PCDHGA2: variants seen among roughly 807,000 people sequenced by gnomAD.
The protein encoded by PCDHGA2 is protocadherin gamma subfamily A, 2, also known as protocadherin gamma-A2.
Under a neutral mutation model 59.2 loss-of-function variants are expected in PCDHGA2, and 40 were observed. That is an observed-to-expected ratio of 0.68 (90% CI 0.52 to 0.88). PCDHGA2 has a LOEUF of 0.88. Among genes scored for constraint, PCDHGA2 ranks in the 40% least tolerant of loss-of-function variants. The pLI, the probability that PCDHGA2 is intolerant of heterozygous loss-of-function variation, is 0.00. For synonymous variants in PCDHGA2, 560 were observed against 526.0 expected (o/e 1.06, Z -0.89); for missense variants, 1,226 against 1,204.0 (o/e 1.02, Z -0.27).
Position 141,486,785 on chromosome 5 carries a change from C to G in PCDHGA2, c.2425-8022C>G, listed in dbSNP as rs763174232. The G allele has an allele frequency of 2.8e-5, 45 of 1,614,102 alleles. No homozygotes were observed. The highest frequency in any genetic ancestry group is 3.6e-5 in the Non-Finnish European group (42 of 1,180,050). On this transcript the variant is annotated intron_variant, in intron 1 of 3. Coordinates refer to ENST00000394576, the MANE Select transcript of PCDHGA2 (RefSeq NM_018915.4). The surrounding 1 kb of genome is among the most constrained non-coding windows in gnomAD (Gnocchi z 5.0). ...GACACTGCAGTTTGAGGTGCAGGCC[C>G]GGGATCGGGGCAACCCACCCCTTAG... is the stretch of plus-strand genomic sequence containing the variant.
At chr5:141,425,521 C>A (rs2096880944) in intron 1 of PCDHGA2, among the ~76,000 whole-genome samples, 1 of 152,210 alleles carries the variant, frequency 6.6e-6, no homozygotes, top group Non-Finnish European at 1.5e-5. Flanking sequence ...TATGATGAAA[C>A]ATGAAACAAT....
At position 141,511,355 on chromosome 5, in the gene PCDHGA2, G is replaced by A; in HGVS notation, c.*182G>A. On this transcript the variant is annotated 3_prime_UTR_variant, in exon 4 of 4. Coordinates refer to ENST00000394576, the MANE Select transcript of PCDHGA2 (RefSeq NM_018915.4). ...TCAGCACCTACCCCTTCCCCCCCAG[G>A]GGGTTGAATATGCAAAAGCAGTTCC... 4 of 1,379,256 alleles carry A rather than the reference G, an allele frequency of 2.9e-6. No individual in the cohort carries two copies. The highest frequency in any genetic ancestry group is 3.9e-6 in the Non-Finnish European group (4 of 1,035,886). 85.4% of individuals were successfully genotyped at this position (1,379,256 alleles called of 1,614,324 possible).
In PCDHGA2 at chr5:141,345,674, G is replaced by T. The variant is rs2879225; in HGVS notation, c.2424+4279G>T. 4 of 1,614,140 alleles carry T rather than the reference G, an allele frequency of 2.5e-6. No homozygotes were observed. In the East Asian group the frequency reaches 6.7e-5, roughly 27 times the overall value. On this transcript the variant is annotated intron_variant, in intron 1 of 3. Coordinates refer to ENST00000394576, the MANE Select transcript of PCDHGA2 (RefSeq NM_018915.4). ...ACCCTCCACTCAGCAGCAACGTGTC[G>T]CTGAACCTGTTCGTGCTGGACCAGA...
intron 1 of PCDHGA2, chr5:141,478,470 G>A (rs753075137): frequency 1.2e-6 from 2 of 1,613,686 alleles, no homozygotes; most frequent in Non-Finnish European, 1.7e-6. Context: ...CTGGCCAGCC[G>A]CCAGAACACG....
intron 1 of PCDHGA2, chr5:141,364,245 A>G (rs1763237090): frequency 1.4e-6 from 2 of 1,460,650 alleles, no homozygotes; most frequent in Non-Finnish European, 9.1e-7. Flanking sequence ...CATTTTCGTC[A>G]GGGAATATGT....
rs377098882 is a variant in PCDHGA2, at chr5:141,340,259, C to A, written c.1288C>A (p.Pro430Thr). 29 of 1,614,068 alleles carry A rather than the reference C, an allele frequency of 1.8e-5. No individual in the cohort carries two copies. The highest frequency in any genetic ancestry group is 2.5e-5 in the Non-Finnish European group (29 of 1,180,040). Residue 430 changes from proline to threonine, a missense_variant, in exon 1 of 4, where the codon CCC becomes ACC. Transcript: ENST00000394576. The part of the protein sequence containing the change: ...ITLTAKDGGN[P>T]SLSTDAHILL... ...TCTAACCGCTAAAGATGGAGGGAAC[C>A]CCTCCCTGTCCACGGATGCTCACAT...
intron 1 of PCDHGA2, chr5:141,420,295 T>G (rs1282298065): frequency 6.8e-7 from 1 of 1,466,506 alleles, no homozygotes; most frequent in East Asian, 2.3e-5. Flanking sequence ...AAAAATGTAT[T>G]TAATCCTTTT....
intron 1 of PCDHGA2, among the ~76,000 whole-genome samples, chr5:141,482,899 T>C (rs1238389686): frequency 1.3e-5 from 2 of 152,076 alleles, no homozygotes; most frequent in Non-Finnish European, 2.9e-5. Context: ...TGGTGAAACC[T>C]CATCTCTATT....
At chr5:141,393,129 A>G in intron 1 of PCDHGA2, 2 of 1,613,426 alleles carry the variant, frequency 1.2e-6, no homozygotes, top group Non-Finnish European at 1.7e-6. Context: ...TCTGATAAAT[A>G]TTAACACCCT....
chr5:141,405,568 T>C, intron 1 of PCDHGA2: 1 of 606,666 alleles, frequency 1.6e-6, no homozygotes, highest in South Asian at 2.1e-5. Context: ...GGGACTAGAG[T>C]AGAGTAGCTG....
At chr5:141,397,699 C>A (rs1304915257) in intron 1 of PCDHGA2, among the ~76,000 whole-genome samples, 1 of 152,158 alleles carries the variant, frequency 6.6e-6, no homozygotes, top group Non-Finnish European at 1.5e-5. Flanking sequence ...AAAAACCCAA[C>A]GTGATATTTC....
chr5:141,357,609 C>T (rs1760674283), intron 1 of PCDHGA2: 1 of 1,613,778 alleles, frequency 6.2e-7, no homozygotes, highest in Non-Finnish European at 8.5e-7. Context: ...CAAAAGGAGA[C>T]CCTAATCTTC....
chr5:141,492,274 A>C (rs2099739010), intron 1 of PCDHGA2, among the ~76,000 whole-genome samples: 1 of 152,024 alleles, frequency 6.6e-6, no homozygotes, highest in Non-Finnish European at 1.5e-5. Flanking sequence ...CGGGCTCGCC[A>C]CGCCCCGCCA....
intron 1 of PCDHGA2, among the ~76,000 whole-genome samples, chr5:141,474,773 G>T (rs1290099424): frequency 6.6e-6 from 1 of 152,182 alleles, no homozygotes; most frequent in East Asian, 1.9e-4. Flanking sequence ...ATAGTATGAG[G>T]CTCTAACACT....
At chr5:141,344,532 C>T in intron 1 of PCDHGA2, 2 of 1,614,028 alleles carry the variant, frequency 1.2e-6, no homozygotes, top group South Asian at 1.1e-5. Context: ...CATTAACTCC[C>T]TGCAGAACTA....
At chr5:141,348,983 T>G (rs928297806) in intron 1 of PCDHGA2, among the ~76,000 whole-genome samples, 3 of 152,188 alleles carry the variant, frequency 2.0e-5, no homozygotes, top group Non-Finnish European at 2.9e-5. Context: ...GTCTAAGAAC[T>G]CTGAATACCT....
intron 1 of PCDHGA2, chr5:141,382,918 G>T: frequency 2.6e-6 from 4 of 1,558,926 alleles, no homozygotes; most frequent in Non-Finnish European, 3.5e-6. Context: ...TCAGCCGAGG[G>T]GCGGGGACTA....
At chr5:141,392,728 G>A in intron 1 of PCDHGA2, 3 of 1,407,730 alleles carry the variant, frequency 2.1e-6, no homozygotes, top group Non-Finnish European at 2.8e-6. Flanking sequence ...CCGGAGGATT[G>A]TCATCTCCAT....
chr5:141,487,783 G>T lies in PCDHGA2; in HGVS notation c.2425-7024G>T. The T allele has an allele frequency of 6.6e-7, 1 of 1,522,846 alleles. No homozygotes were observed. The allele number at this position is 1,522,846 out of a possible 1,614,324, so 94.3% of individuals were successfully genotyped here. ...ACGCTGTGCTTTGTAACTGTTTCGT[G>T]AATTAACCAGAGTTGTCACAGTTTA... is the stretch of plus-strand genomic sequence containing the variant. On this transcript the variant is annotated intron_variant, in intron 1 of 3. Transcript: ENST00000394576. The surrounding 1 kb of genome is among the most constrained non-coding windows in gnomAD (Gnocchi z 5.0).
Sources: gnomAD v4.1 joint callset for allele counts (sites outside exome capture counted in the v4.1 genomes callset) on GRCh38, gnomAD v4.1.1 for gene constraint, Gnocchi (gnomAD v3.1) non-coding constraint, MANE v1.5 for transcripts, NCBI Gene and HGNC (gene_info 2026-07-23, HGNC 2026-07-21) for gene names.